PVT1: variants seen among roughly 807,000 people sequenced by gnomAD.
PVT1 encodes Pvt1 oncogene.
intron 3 of PVT1, among the ~76,000 whole-genome samples, chr8:127,905,408 A>G (rs1037195057): frequency 6.6e-6 from 1 of 152,242 alleles, no homozygotes; most frequent in African/African-American, 2.4e-5. Context: ...GGAGCCTCAC[A>G]TGAAGAAGAG....
intron 5 of PVT1, among the ~76,000 whole-genome samples, chr8:128,073,112 C>T (rs1339121095): frequency 6.6e-6 from 1 of 152,026 alleles, no homozygotes; most frequent in African/African-American, 2.4e-5. Context: ...GGATTACAGG[C>T]GTGAACCACC....
chr8:127,987,713 A>G lies in PVT1; in HGVS notation n.783-1449A>G, dbSNP rs751591074. 5.3e-5 allele frequency among the ~76,000 whole-genome samples: 8 copies of G among 152,342 alleles called. No homozygotes were observed. The South Asian group carries it at 1.0e-3, about 20-fold the overall frequency. ...CCTCTTTAAGTAGTAGAACTGGGAC[A>G]CCAACCCAGGAAGCCTGAGAAGAGC... is the stretch of plus-strand genomic sequence containing the variant. On this transcript the variant is annotated intron_variant and non_coding_transcript_variant, in intron 3 of 10. Coordinates refer to ENST00000651587, the Ensembl canonical transcript of PVT1.
At chr8:127,858,322 A>G (rs1025523815) in intron 2 of PVT1, among the ~76,000 whole-genome samples, 1 of 151,976 alleles carries the variant, frequency 6.6e-6, no homozygotes, top group African/African-American at 2.4e-5. Context: ...CAGGAGAATC[A>G]CTTGAACCTG....
chr8:128,044,306 C>A (rs2720707), intron 4 of PVT1, among the ~76,000 whole-genome samples: 4,500 of 152,076 alleles, frequency 0.03, 198 homozygotes, highest in African/African-American at 0.095. Flanking sequence ...TGTTTGTTGA[C>A]AGTCTGACAC....
At chr8:127,867,722 G>T (rs1248273347) in intron 2 of PVT1, among the ~76,000 whole-genome samples, 2 of 152,166 alleles carry the variant, frequency 1.3e-5, no homozygotes, top group African/African-American at 2.4e-5. Context: ...CATGGTGGCG[G>T]GTGGGGTGGG....
chr8:128,084,732 T>C (rs1335150522), intron 5 of PVT1, among the ~76,000 whole-genome samples: 3 of 152,218 alleles, frequency 2.0e-5, no homozygotes, highest in Admixed American at 6.5e-5. Flanking sequence ...CAATTGGCCC[T>C]GAAACCACTT....
intron 3 of PVT1, among the ~76,000 whole-genome samples, chr8:127,987,516 C>G (rs779437958): frequency 6.6e-6 from 1 of 152,224 alleles, no homozygotes; most frequent in Non-Finnish European, 1.5e-5. Flanking sequence ...AAGTCTCTAG[C>G]ATTTGCCTAA....
chr8:128,014,112 G>A (rs1817344617), intron 4 of PVT1, among the ~76,000 whole-genome samples: 1 of 152,228 alleles, frequency 6.6e-6, no homozygotes, highest in African/African-American at 2.4e-5. Context: ...AAATGGGTCA[G>A]TGTCTCTCAC....
intron 2 of PVT1, among the ~76,000 whole-genome samples, chr8:127,820,626 G>A (rs559573171): frequency 2.6e-5 from 4 of 152,272 alleles, no homozygotes; most frequent in Admixed American, 6.5e-5. Context: ...TGGTCAGGCA[G>A]GGAAGCCCAA....
chr8:127,811,117 T>C (rs1814590105), intron 2 of PVT1, among the ~76,000 whole-genome samples: 1 of 152,142 alleles, frequency 6.6e-6, no homozygotes, highest in African/African-American at 2.4e-5. Context: ...ATCAGAGAGA[T>C]ACTGTTAGAG....
At chr8:127,986,476 T>A (rs892539702) in intron 3 of PVT1, among the ~76,000 whole-genome samples, 1 of 152,272 alleles carries the variant, frequency 6.6e-6, no homozygotes, top group Non-Finnish European at 1.5e-5. Flanking sequence ...CAGGTAGATA[T>A]CCTTGAGAAC....
At chr8:127,901,303 TC>T (rs1211420008) in intron 3 of PVT1, among the ~76,000 whole-genome samples, 1 of 152,092 alleles carries the variant, frequency 6.6e-6, no homozygotes, top group African/African-American at 2.4e-5. Context: ...CTGAGGGTTA[TC>T]CAAGTGACCC....
At chr8:128,076,700 G>A (rs1814095254) in intron 5 of PVT1, among the ~76,000 whole-genome samples, 1 of 151,946 alleles carries the variant, frequency 6.6e-6, no homozygotes, top group East Asian at 1.9e-4. Flanking sequence ...ACACTGAAAA[G>A]TTGAAAACCA....
At chr8:127,979,730 C>T (rs75924953) in intron 3 of PVT1, among the ~76,000 whole-genome samples, 2,391 of 152,250 alleles carry the variant, frequency 0.016, 83 homozygotes, top group African/African-American at 0.055. Flanking sequence ...ACCCCACCAC[C>T]CAAAGGATGC....
At chr8:127,831,824 C>T (rs776944022) in intron 2 of PVT1, among the ~76,000 whole-genome samples, 3 of 152,188 alleles carry the variant, frequency 2.0e-5, no homozygotes, top group Non-Finnish European at 2.9e-5. Flanking sequence ...GCAAGAGCGC[C>T]TCATGGGAGC....
At chr8:127,904,248 A>C (rs1815793335) in intron 3 of PVT1, among the ~76,000 whole-genome samples, 1 of 150,248 alleles carries the variant, frequency 6.7e-6, no homozygotes, top group Non-Finnish European at 1.5e-5. Context: ...GGGGCATTTC[A>C]CTTGTGAGAG....
At chr8:128,035,513 C>T (rs1464978916) in intron 4 of PVT1, among the ~76,000 whole-genome samples, 2 of 152,200 alleles carry the variant, frequency 1.3e-5, no homozygotes, top group African/African-American at 4.8e-5. Context: ...TTGCTAGGTG[C>T]TGGGAATGTG....
At chr8:127,809,189 G>A (rs911799413) in intron 2 of PVT1, among the ~76,000 whole-genome samples, 1 of 151,984 alleles carries the variant, frequency 6.6e-6, no homozygotes, top group African/African-American at 2.4e-5. Flanking sequence ...ACTATTGAAA[G>A]TTTTCATTTT....
chr8:127,977,155 G>A (rs181291905), intron 3 of PVT1, among the ~76,000 whole-genome samples: 31 of 152,246 alleles, frequency 2.0e-4, no homozygotes, highest in Admixed American at 7.2e-4. Flanking sequence ...CAAAGCCCAG[G>A]CTCTAATTTA....
Sources: gnomAD v4.1 joint callset for allele counts (sites outside exome capture counted in the v4.1 genomes callset) on GRCh38, gnomAD v4.1.1 for gene constraint, MANE v1.5 for transcripts, NCBI Gene and HGNC (gene_info 2026-07-23, HGNC 2026-07-21) for gene names.